NIPSNAP3B: variants seen among roughly 807,000 people sequenced by gnomAD.
The protein encoded by NIPSNAP3B is protein NipSnap homolog 3B.
In NIPSNAP3B, 30 loss-of-function variants were observed where a neutral mutation model predicts 31.5. The observed-to-expected ratio is 0.95, with a 90% confidence interval of 0.71 to 1.29. The LOEUF is 1.29. Ranked by LOEUF, NIPSNAP3B falls within the 50% of genes most tolerant of loss-of-function variation. The pLI is 0.00. For synonymous variants in NIPSNAP3B, 106 were observed against 107.9 expected, an observed-to-expected ratio of 0.98 and a Z score of 0.11; for missense variants, 269 against 300.7, an observed-to-expected ratio of 0.89 and a Z score of 0.78.
Position 104,777,642 on chromosome 9 carries a change from A to T in NIPSNAP3B, c.*4569A>T, listed in dbSNP as rs1828364453. Among the ~76,000 whole-genome samples, 1 of 152,238 alleles carries T rather than the reference A, an allele frequency of 6.6e-6. No homozygotes were observed. On this transcript the variant is annotated 3_prime_UTR_variant, in exon 6 of 6. Transcript: ENST00000374762. ...GAGTGTGTACAAGGCTCCTGCCAGA[A>T]GAAATGCCTGTAGGATTAAAAGCAA...
rs1330467609 is a variant in NIPSNAP3B, at chr9:104,771,123, G to GA, written c.580+131dup. 4.5e-5 allele frequency: 35 copies of GA among 778,544 alleles called. No homozygotes were observed. In the East Asian group the frequency reaches 5.1e-4, roughly 11 times the overall value. 48.2% of individuals were successfully genotyped at this position (778,544 alleles called of 1,614,324 possible). ...TTTAGAGTTTGTTGTTTATAGGATT[G>GA]AAAAAATCTATAAGCATCTTATTTT... is the stretch of plus-strand genomic sequence containing the variant. On this transcript the variant is annotated intron_variant, in intron 4 of 5. Coordinates refer to ENST00000374762, the MANE Select transcript of NIPSNAP3B (RefSeq NM_018376.4).
At chr9:104,788,581 G>A in the NIPSNAP3B span, 16 of 1,614,040 alleles carry the variant, frequency 9.9e-6, no homozygotes, top group African/African-American at 1.9e-4. Context: ...CAAAGGACAA[G>A]AAAACTACTT....
chr9:104,780,879 T>C (rs1373572267), downstream of NIPSNAP3B: 8 of 152,534 alleles, frequency 5.2e-5, no homozygotes, highest in Admixed American at 5.2e-4. Context: ...TCTTTTATGA[T>C]TAAGGGAACA....
intron 3 of NIPSNAP3B, 46 bp from the exon 4 acceptor site, chr9:104,770,803 T>C (rs367935711): frequency 6.4e-7 from 1 of 1,573,302 alleles, no homozygotes; most frequent in South Asian, 1.1e-5. Context: ...GGTTAGAAAT[T>C]GTTTGAATGT....
the NIPSNAP3B span, chr9:104,787,816 A>G: frequency 1.1e-5 from 17 of 1,611,414 alleles, no homozygotes; most frequent in Non-Finnish European, 1.4e-5. Flanking sequence ...TCCCTGGGGG[A>G]AGACAAGCCA....
chr9:104,766,183 A>G, intron 1 of NIPSNAP3B, 142 bp from the exon 2 acceptor site: 1 of 629,344 alleles, frequency 1.6e-6, no homozygotes, highest in Non-Finnish European at 2.8e-6. Context: ...TATGTAAACA[A>G]GTGTATATGG....
At chr9:104,765,782 G>A (rs1161675209) in intron 1 of NIPSNAP3B, among the ~76,000 whole-genome samples, 2 of 152,088 alleles carry the variant, frequency 1.3e-5, no homozygotes, top group South Asian at 2.1e-4. Context: ...GTTTTTGACC[G>A]GTAGTCTTCA....
chr9:104,784,488 A>C, the NIPSNAP3B span: 1 of 1,613,502 alleles, frequency 6.2e-7, no homozygotes, highest in Non-Finnish European at 8.5e-7. Flanking sequence ...CTTTATAAAT[A>C]CCACTCAACT....
chr9:104,764,474 G>T (rs1324754568), intron 1 of NIPSNAP3B, among the ~76,000 whole-genome samples, 174 bp downstream of exon 1: 2 of 152,246 alleles, frequency 1.3e-5, no homozygotes, highest in Non-Finnish European at 2.9e-5. Flanking sequence ...GAGGCTACAG[G>T]CCGGGGTCGT....
rs1828335590 is a variant in NIPSNAP3B at position 104,776,343 on chromosome 9, A to T, written c.*3270A>T. Among the ~76,000 whole-genome samples the T allele has an allele frequency of 6.6e-6, 1 of 151,926 alleles. No individual in the cohort carries two copies. Among genetic ancestry groups the T allele is most frequent in the Non-Finnish European group, 1.5e-5 (1 of 68,004 alleles). ...GCCTTCCCTGACAACCCTATTTAAGATTGTAATCCCCTCCCACAGTGGCCC... is the reference window on the plus strand; with the variant it reads ...GCCTTCCCTGACAACCCTATTTAAGTTTGTAATCCCCTCCCACAGTGGCCC... On this transcript the variant is annotated 3_prime_UTR_variant, in exon 6 of 6. Transcript: ENST00000374762.
At chr9:104,785,425 A>G in the NIPSNAP3B span, 1 of 1,613,988 alleles carries the variant, frequency 6.2e-7, no homozygotes, top group East Asian at 2.2e-5. Flanking sequence ...GAAACAGAGT[A>G]GTCTTCTATG....
At chr9:104,788,658 C>G in the NIPSNAP3B span, 1 of 1,462,684 alleles carries the variant, frequency 6.8e-7, no homozygotes, top group East Asian at 2.3e-5. Context: ...AAGTATGCTT[C>G]TCCATTACAA....
Position 104,775,531 on chromosome 9 carries a change from C to G in NIPSNAP3B, c.*2458C>G, listed in dbSNP as rs531015378. 8.5e-5 allele frequency among the ~76,000 whole-genome samples: 13 copies of G among 152,246 alleles called. No homozygotes were observed. The highest frequency in any genetic ancestry group is 3.1e-4 in the African/African-American group (13 of 41,530). ...TTCTCTTTTCTATTTATACTTACTC[C>G]CTGCGTCATCACCCCCAGTCTTGTG... On this transcript the variant is annotated 3_prime_UTR_variant, in exon 6 of 6. Coordinates refer to ENST00000374762, the MANE Select transcript of NIPSNAP3B (RefSeq NM_018376.4).
chr9:104,770,164 A>G (rs565188383), intron 3 of NIPSNAP3B, among the ~76,000 whole-genome samples: 20 of 152,246 alleles, frequency 1.3e-4, no homozygotes, highest in Admixed American at 2.6e-4. Context: ...TGTTGTTCAT[A>G]ATTCTTTAGT....
Position 104,776,046 on chromosome 9 carries a change from C to T in NIPSNAP3B, c.*2973C>T, listed in dbSNP as rs1031718308. Among the ~76,000 whole-genome samples the T allele has an allele frequency of 6.6e-6, 1 of 152,166 alleles. No individual in the cohort carries two copies. Among genetic ancestry groups the T allele is most frequent in the African/African-American group, 2.4e-5 (1 of 41,436 alleles). ...CTAAAATATAAACCAGATCATATCACTCCTCTGCTCAACACCCCCTCCCAA... is the reference window on the plus strand; with the variant it reads ...CTAAAATATAAACCAGATCATATCATTCCTCTGCTCAACACCCCCTCCCAA... On this transcript the variant is annotated 3_prime_UTR_variant, in exon 6 of 6. Transcript: ENST00000374762.
At chr9:104,787,934 G>A in the NIPSNAP3B span, 1 of 1,614,002 alleles carries the variant, frequency 6.2e-7, no homozygotes, top group Non-Finnish European at 8.5e-7. Flanking sequence ...AACACCACAG[G>A]AGGCCCGCCG....
the NIPSNAP3B span, chr9:104,785,328 TG>T: frequency 6.3e-7 from 1 of 1,598,164 alleles, no homozygotes. Context: ...CTTGGACCTA[TG>T]GGCGGGAGTG....
chr9:104,782,999 A>G, the NIPSNAP3B span: 1 of 152,578 alleles, frequency 6.6e-6, no homozygotes, highest in African/African-American at 2.4e-5. Context: ...GTACGTACAT[A>G]CTCTTTCAGC....
rs1005876510 is a variant in NIPSNAP3B, at chr9:104,766,450, T to A, written c.186T>A (p.Leu62=). ...FMENLKKNIH[L]RTSYSELVGF... is the part of the protein sequence containing the mutation. The stretch of plus-strand genomic sequence containing the variant: ...AAAATCTTAAGAAAAACATTCATCT[T>A]CGGACCTCTTACTCTGAATTGGTTG... Residue 62 remains leucine, a synonymous_variant, in exon 2 of 6, where the codon CTT becomes CTA. Coordinates refer to ENST00000374762, the MANE Select transcript of NIPSNAP3B (RefSeq NM_018376.4). The A allele has an allele frequency of 1.2e-6, 2 of 1,613,860 alleles. No homozygotes were observed. The highest frequency in any genetic ancestry group is 1.7e-6 in the Non-Finnish European group (2 of 1,179,788).
Sources: gnomAD v4.1 joint callset for allele counts (sites outside exome capture counted in the v4.1 genomes callset) on GRCh38, gnomAD v4.1.1 for gene constraint, MANE v1.5 for transcripts, NCBI Gene and HGNC (gene_info 2026-07-23, HGNC 2026-07-21) for gene names.